The following ANTXR1 variants were observed in gnomAD, a reference collection of about 807,000 sequenced individuals.
The protein encoded by ANTXR1 is anthrax toxin receptor 1.
ANTXR1 carries 19 observed loss-of-function variants against 78.1 expected under a neutral mutation model. That is an observed-to-expected ratio of 0.24 (90% CI 0.17 to 0.36). The LOEUF is 0.36. Ranked by LOEUF, ANTXR1 falls within the 10% of genes least tolerant of loss-of-function variation. The pLI is 1.00. For missense variants in ANTXR1, 518 were observed against 718.6 expected (o/e 0.72, Z 3.19); for synonymous variants, 273 against 260.5 (o/e 1.05, Z -0.46).
At chr2:69,043,301 A>G (rs1240490780) in intron 2 of ANTXR1, among the ~76,000 whole-genome samples, 2 of 152,236 alleles carry the variant, frequency 1.3e-5, no homozygotes, top group Non-Finnish European at 2.9e-5. Context: ...GATATGAACT[A>G]TCAGGATTGG....
At chr2:69,117,462 C>G (rs11884750) in intron 10 of ANTXR1, among the ~76,000 whole-genome samples, 48,638 of 151,964 alleles carry the variant, frequency 0.32, 9,622 homozygotes, top group African/African-American at 0.56. Flanking sequence ...ATGCATGCAC[C>G]TGTGTGTATA....
At chr2:69,206,548 G>T (rs4581932) in intron 17 of ANTXR1, among the ~76,000 whole-genome samples, 77,051 of 152,014 alleles carry the variant, frequency 0.51, 20,474 homozygotes, top group East Asian at 0.9. Flanking sequence ...TCTTAGGCAT[G>T]GTGGTGGAGA....
intron 2 of ANTXR1, among the ~76,000 whole-genome samples, chr2:69,044,511 T>C (rs1015400442): frequency 4.6e-5 from 7 of 152,116 alleles, no homozygotes; most frequent in African/African-American, 1.7e-4. Flanking sequence ...AGCAATGATA[T>C]CAGGTCAGAA....
chr2:69,055,284 A>G (rs1248844450), intron 3 of ANTXR1, among the ~76,000 whole-genome samples: 1 of 152,154 alleles, frequency 6.6e-6, no homozygotes, highest in Admixed American at 6.5e-5. Flanking sequence ...CTATCCCTAT[A>G]TAGAGGGATG....
At chr2:69,084,945 C>T (rs986307684) in intron 8 of ANTXR1, among the ~76,000 whole-genome samples, 1 of 151,026 alleles carries the variant, frequency 6.6e-6, no homozygotes, top group Admixed American at 6.6e-5. Context: ...CTCTGCCTCC[C>T]AGGTTCACAC....
intron 1 of ANTXR1, among the ~76,000 whole-genome samples, chr2:69,028,936 G>C (rs964121689): frequency 2.6e-5 from 4 of 152,028 alleles, no homozygotes; most frequent in African/African-American, 9.7e-5. Flanking sequence ...GAGAAAAGAG[G>C]CTGGGTGCGA....
chr2:69,184,153 A>C (rs1674362586), intron 16 of ANTXR1, among the ~76,000 whole-genome samples: 2 of 152,224 alleles, frequency 1.3e-5, no homozygotes, highest in African/African-American at 4.8e-5. Context: ...CTAATTTTGG[A>C]TCAGGGCTTC....
intron 14 of ANTXR1, among the ~76,000 whole-genome samples, chr2:69,175,762 G>A (rs1189698046): frequency 6.6e-6 from 1 of 152,098 alleles, no homozygotes; most frequent in East Asian, 1.9e-4. Flanking sequence ...GGAGAGGGGT[G>A]CCTATTGAAA....
intron 17 of ANTXR1, among the ~76,000 whole-genome samples, chr2:69,223,828 G>A (rs1675379563): frequency 6.6e-6 from 1 of 152,170 alleles, no homozygotes; most frequent in African/African-American, 2.4e-5. Flanking sequence ...CCTAAAGGAG[G>A]AAACGGCTAA....
At chr2:69,179,282 C>T (rs1275373245) in intron 14 of ANTXR1, among the ~76,000 whole-genome samples, 3 of 152,174 alleles carry the variant, frequency 2.0e-5, no homozygotes, top group East Asian at 3.9e-4. Flanking sequence ...TGCGGTGGCT[C>T]ACACCTGTAA....
chr2:69,051,610 T>G (rs1451039711), intron 3 of ANTXR1, among the ~76,000 whole-genome samples: 8 of 152,098 alleles, frequency 5.3e-5, no homozygotes, highest in Non-Finnish European at 1.2e-4. Flanking sequence ...TTTTATTTAG[T>G]ATCCATGGAT....
At chr2:69,239,896 C>A (rs1372001521) in intron 17 of ANTXR1, among the ~76,000 whole-genome samples, 1 of 152,202 alleles carries the variant, frequency 6.6e-6, no homozygotes, top group Non-Finnish European at 1.5e-5. Context: ...AATATGTCAC[C>A]TCCAATTTAG....
chr2:69,071,868 C>G, intron 5 of ANTXR1, 81 bp downstream of exon 5: 1 of 1,290,698 alleles, frequency 7.7e-7, no homozygotes. Flanking sequence ...TCAGTCATTT[C>G]ATGTTTCAAA....
intron 13 of ANTXR1, among the ~76,000 whole-genome samples, chr2:69,157,810 T>G (rs867726240): frequency 1.3e-5 from 2 of 152,358 alleles, no homozygotes; most frequent in South Asian, 2.1e-4. Flanking sequence ...ACTGCTCTTT[T>G]AGTCTTTCTC....
chr2:69,163,479 T>C (rs1182946661), intron 13 of ANTXR1, among the ~76,000 whole-genome samples: 1 of 152,170 alleles, frequency 6.6e-6, no homozygotes, highest in Non-Finnish European at 1.5e-5. Context: ...TTCTTTGGTT[T>C]TTCAGCATGG....
intron 13 of ANTXR1, among the ~76,000 whole-genome samples, chr2:69,169,949 T>C (rs1014063286): frequency 1.3e-5 from 2 of 152,240 alleles, no homozygotes; most frequent in African/African-American, 4.8e-5. Context: ...AGTGAATAAA[T>C]TTGCATGATA....
At chr2:69,027,642 G>A (rs200008062) in intron 1 of ANTXR1, among the ~76,000 whole-genome samples, 120 of 111,972 alleles carry the variant, frequency 1.1e-3, no homozygotes, top group Middle Eastern at 0.011. Flanking sequence ...GTGTGTGTAT[G>A]TGTGTGTGTG....
rs1271761149 is a variant in ANTXR1 at position 69,040,890 on chromosome 2, G to A, written c.224+775G>A. ...GCTGATGGCCTCCATAGAGTCTTCC[G>A]GTTGATAGGAGTGACCATAAAGTTC... On this transcript the variant is annotated intron_variant, in intron 2 of 17. Coordinates refer to ENST00000303714, the MANE Select transcript of ANTXR1 (RefSeq NM_032208.3). Among the ~76,000 whole-genome samples the A allele has an allele frequency of 8.5e-5, 13 of 152,162 alleles. No individual in the cohort carries two copies. The South Asian group carries it at 1.4e-3, about 17-fold the overall frequency.
chr2:69,066,544 C>G (rs1670405898), intron 3 of ANTXR1, among the ~76,000 whole-genome samples: 1 of 152,100 alleles, frequency 6.6e-6, no homozygotes, highest in African/African-American at 2.4e-5. Context: ...ATAACACAAC[C>G]AGAATCCCAG....
Sources: gnomAD v4.1 joint callset for allele counts (sites outside exome capture counted in the v4.1 genomes callset) on GRCh38, gnomAD v4.1.1 for gene constraint, MANE v1.5 for transcripts, NCBI Gene and HGNC (gene_info 2026-07-23, HGNC 2026-07-21) for gene names.